The following AGBL4 variants were observed in gnomAD, a reference collection of about 807,000 sequenced individuals.
AGBL4 encodes the protein cytosolic carboxypeptidase 6.
Under a neutral mutation model 66.4 loss-of-function variants are expected in AGBL4, and 58 were observed. The ratio of observed to expected loss-of-function variants is 0.87; its 90% CI spans 0.71 to 1.09. AGBL4 has a LOEUF of 1.09. Ranked by LOEUF, AGBL4 falls within the 50% of genes least tolerant of loss-of-function variation. The pLI is 0.00. For missense variants in AGBL4, 579 were observed against 631.0 expected (o/e 0.92, Z 0.88); for synonymous variants, 234 against 222.9 (o/e 1.05, Z -0.44).
chr1:48,820,593 C>T (rs1292794367), intron 6 of AGBL4, among the ~76,000 whole-genome samples: 1 of 152,150 alleles, frequency 6.6e-6, no homozygotes, highest in Non-Finnish European at 1.5e-5. Flanking sequence ...CCTCTTACCT[C>T]CCTGATTTTG....
At chr1:48,854,763 A>G (rs559330508) in intron 6 of AGBL4, among the ~76,000 whole-genome samples, 4 of 152,334 alleles carry the variant, frequency 2.6e-5, no homozygotes, top group Admixed American at 1.3e-4. Context: ...GAGAAGTGAT[A>G]AAAAATTCTG....
intron 1 of AGBL4, among the ~76,000 whole-genome samples, chr1:49,910,899 C>A (rs188513520): frequency 5.5e-4 from 84 of 152,298 alleles, no homozygotes; most frequent in African/African-American, 2.0e-3. Context: ...TTGCTTGAAC[C>A]TAGGAGATGG....
rs577341276 is a variant in AGBL4, at chr1:49,990,808, T to A, written c.34+32955A>T. 1.3e-4 allele frequency among the ~76,000 whole-genome samples: 20 copies of A among 152,332 alleles called. No homozygotes were observed. The South Asian group carries it at 2.7e-3, about 21-fold the overall frequency. On this transcript the variant is annotated intron_variant, in intron 1 of 13. Transcript: ENST00000371839. Reference sequence around the variant, plus strand: ...ATACCTCTGAATAGGTTTGTAAGGATTAAATAAGTTTCAGAAATCTGTAGC... The same window carrying A: ...ATACCTCTGAATAGGTTTGTAAGGAATAAATAAGTTTCAGAAATCTGTAGC...
chr1:49,443,107 A>G (rs1179211845), intron 3 of AGBL4, among the ~76,000 whole-genome samples: 1 of 151,994 alleles, frequency 6.6e-6, no homozygotes, highest in Non-Finnish European at 1.5e-5. Context: ...TCCTTTGTCC[A>G]CTTTTTAATG....
At chr1:49,895,709 A>G (rs938633086) in intron 1 of AGBL4, among the ~76,000 whole-genome samples, 4 of 152,136 alleles carry the variant, frequency 2.6e-5, no homozygotes, top group African/African-American at 9.6e-5. Context: ...CCTCAAATCT[A>G]AAAACACATA....
chr1:48,543,611 C>T (rs985590056), intron 11 of AGBL4, among the ~76,000 whole-genome samples: 33 of 152,150 alleles, frequency 2.2e-4, no homozygotes, highest in African/African-American at 7.7e-4. Context: ...ACAGGCCTTC[C>T]TTCAGTGCTG....
chr1:49,339,314 A>G (rs1033163424), intron 3 of AGBL4, among the ~76,000 whole-genome samples: 2 of 152,218 alleles, frequency 1.3e-5, no homozygotes, highest in Non-Finnish European at 2.9e-5. Flanking sequence ...CAAAATTAAA[A>G]AGTTCTCAGT....
chr1:49,462,705 T>G (rs571627629), intron 3 of AGBL4, among the ~76,000 whole-genome samples: 31 of 151,858 alleles, frequency 2.0e-4, no homozygotes, highest in Admixed American at 5.9e-4. Flanking sequence ...GCTATATTGT[T>G]TCTAAGAGAG....
intron 3 of AGBL4, among the ~76,000 whole-genome samples, chr1:49,596,396 C>T (rs1644854509): frequency 6.6e-6 from 1 of 152,082 alleles, no homozygotes; most frequent in African/African-American, 2.4e-5. Context: ...GTCTCAAACT[C>T]CTGGCCTCAA....
intron 3 of AGBL4, among the ~76,000 whole-genome samples, chr1:49,682,211 T>C (rs1646708409): frequency 6.6e-6 from 1 of 152,032 alleles, no homozygotes; most frequent in African/African-American, 2.4e-5. Flanking sequence ...ATCGAGACCA[T>C]CCTGGCCAAC....
At chr1:49,788,442 T>C (rs1644514334) in intron 2 of AGBL4, among the ~76,000 whole-genome samples, 1 of 151,150 alleles carries the variant, frequency 6.6e-6, no homozygotes, top group Non-Finnish European at 1.5e-5. Context: ...ACTCCATCAA[T>C]ACAGATGGAC....
At chr1:49,462,172 A>T (rs895384888) in intron 3 of AGBL4, among the ~76,000 whole-genome samples, 1 of 151,774 alleles carries the variant, frequency 6.6e-6, no homozygotes, top group Non-Finnish European at 1.5e-5. Flanking sequence ...CAGTTCAAAC[A>T]TTCAATGATA....
intron 3 of AGBL4, among the ~76,000 whole-genome samples, chr1:49,631,871 C>A (rs1286196522): frequency 1.3e-5 from 2 of 152,168 alleles, no homozygotes; most frequent in Non-Finnish European, 2.9e-5. Context: ...AAAGTCCTTG[C>A]AAGCAGACTC....
At chr1:49,163,036 ATATATTT>A (rs933967392) in intron 4 of AGBL4, among the ~76,000 whole-genome samples, 10 of 152,162 alleles carry the variant, frequency 6.6e-5, no homozygotes, top group African/African-American at 2.2e-4. Flanking sequence ...TTATATATAG[ATATATTT>A]TATCATGTCT....
intron 3 of AGBL4, among the ~76,000 whole-genome samples, chr1:49,454,951 T>C (rs1297339506): frequency 6.6e-6 from 1 of 151,702 alleles, no homozygotes; most frequent in Admixed American, 6.6e-5. Flanking sequence ...ATTGTTTCTC[T>C]GGGCCGGACT....
At chr1:49,484,047 A>G (rs1647011764) in intron 3 of AGBL4, among the ~76,000 whole-genome samples, 1 of 152,132 alleles carries the variant, frequency 6.6e-6, no homozygotes, top group South Asian at 2.1e-4. Context: ...AACTGCAATG[A>G]GATATCATAT....
chr1:49,656,318 T>A (rs1214499965), intron 3 of AGBL4, among the ~76,000 whole-genome samples: 1 of 152,080 alleles, frequency 6.6e-6, no homozygotes, highest in African/African-American at 2.4e-5. Context: ...AGAAGTTGAA[T>A]CTCTTAAAAG....
At position 49,821,517 on chromosome 1, in the gene AGBL4, G is replaced by T. The variant is rs1213184286; in HGVS notation, c.157+29879C>A. 1.3e-5 allele frequency among the ~76,000 whole-genome samples: 2 copies of T among 152,140 alleles called. 1 individual carries two copies. Among genetic ancestry groups the T allele is most frequent in the Non-Finnish European group, 2.9e-5 (2 of 68,020 alleles). On this transcript the variant is annotated intron_variant, in intron 2 of 13. Transcript: ENST00000371839. ...TACCTAAAAGTCCTAAGGATGATGT[G>T]GGAATTTAAGATTATCTTGAATGTA...
At chr1:48,585,283 G>A (rs1159043616) in intron 11 of AGBL4, 2 of 152,188 alleles carry the variant, frequency 1.3e-5, no homozygotes, top group East Asian at 3.9e-4. Flanking sequence ...CTCCTCTGGA[G>A]GGACCCTCAT....
Sources: allele counts gnomAD v4.1 joint callset (sites outside exome capture counted in the v4.1 genomes callset), GRCh38; gene constraint gnomAD v4.1.1; transcripts MANE v1.5; gene names NCBI Gene and HGNC (gene_info 2026-07-23, HGNC 2026-07-21).